The following RGS10 variants were observed in gnomAD, a reference collection of about 807,000 sequenced individuals.
RGS10 encodes the protein regulator of G-protein signalling 10.
A neutral mutation model predicts 23.5 loss-of-function variants in RGS10; 11 were observed. The observed-to-expected ratio is 0.47, with a 90% CI of 0.29 to 0.77. RGS10 has a LOEUF of 0.77. RGS10 is among the 30% of genes least tolerant of loss of function. The probability of loss-of-function intolerance (pLI) is 0.08; values close to 1 mark genes in which losing one functional copy is unlikely to be tolerated. For synonymous variants in RGS10, 77 were observed against 83.2 expected (o/e 0.92, Z 0.41); for missense variants, 180 against 226.3 (o/e 0.80, Z 1.31).
chr10:119,502,128 T>C (rs1216584372), intron 4 of RGS10, among the ~76,000 whole-genome samples: 1 of 151,374 alleles, frequency 6.6e-6, no homozygotes, highest in Admixed American at 6.6e-5. Flanking sequence ...TTGCTGAGGT[T>C]TACAGAAAAA....
chr10:119,514,519 G>A (rs974414155), intron 4 of RGS10, among the ~76,000 whole-genome samples: 3 of 151,920 alleles, frequency 2.0e-5, no homozygotes, highest in Non-Finnish European at 4.4e-5. Flanking sequence ...TTAACTGTGT[G>A]TGGTGGTGGG....
In RGS10 at chr10:119,515,534, A is replaced by G. The variant is rs996964768; in HGVS notation, c.374T>C (p.Leu125Pro). Residue 125 changes from leucine (L) to proline (P), a missense_variant, in exon 4 of 5, where the codon CTG becomes CCG. Transcript: ENST00000369103. ...CTGGTCCTGGAGTTTCTGGAACATC[A>G]GAGGGTGCGGTTCTTCCAGGATCTT... ...NEKILEEPHP[L>P]MFQKLQDQIF... The G allele has an allele frequency of 6.2e-7, 1 of 1,614,064 alleles. No homozygotes were observed. Among genetic ancestry groups the G allele is most frequent in the African/African-American group, 1.3e-5 (1 of 74,932 alleles).
In RGS10 at chr10:119,527,338, G is replaced by A. The variant is rs778941743; in HGVS notation, c.136C>T (p.Leu46=). ...AKWAASLENL[L]EDPEGVKRFR... ...CTTTTCACGCCTTCTGGGTCTTCCA[G>A]CAGATTCTCCAGGGATGCCGCCCAT... is the stretch of plus-strand genomic sequence containing the variant. Residue 46 remains leucine, a synonymous_variant, in exon 2 of 5, where the codon CTG becomes TTG. Transcript: ENST00000369103. The surrounding 1 kb of genome is among the most constrained non-coding windows in gnomAD (Gnocchi z 4.2). The A allele has an allele frequency of 1.2e-6, 2 of 1,614,098 alleles. No homozygotes were observed. The highest frequency in any genetic ancestry group is 2.2e-5 in the South Asian group (2 of 91,082).
At chr10:119,505,749 C>T (rs563763168) in intron 4 of RGS10, among the ~76,000 whole-genome samples, 1 of 152,332 alleles carries the variant, frequency 6.6e-6, no homozygotes, top group Non-Finnish European at 1.5e-5. Context: ...GAAGGCCCCT[C>T]TGTGAATATT....
At chr10:119,515,210 C>G (rs999507147) in intron 4 of RGS10, among the ~76,000 whole-genome samples, 2 of 152,098 alleles carry the variant, frequency 1.3e-5, no homozygotes, top group South Asian at 4.1e-4. Flanking sequence ...TTTCTCAGTA[C>G]AGGCTCCTCA....
At chr10:119,537,520 G>T (rs574993145) in intron 1 of RGS10, among the ~76,000 whole-genome samples, 48 of 152,176 alleles carry the variant, frequency 3.2e-4, no homozygotes, top group Non-Finnish European at 5.4e-4. Flanking sequence ...GCACAGAGAC[G>T]ATAAATAATT....
At chr10:119,528,989 G>A (rs17098973) in intron 1 of RGS10, among the ~76,000 whole-genome samples, 46,488 of 151,974 alleles carry the variant, frequency 0.31, 7,571 homozygotes, top group East Asian at 0.58. Flanking sequence ...TCTGACTCAC[G>A]ACACTGAGAA....
rs1488973873 is a variant in RGS10 at position 119,510,951 on chromosome 10, C to T, written c.399+4558G>A. 2.0e-5 allele frequency among the ~76,000 whole-genome samples: 3 copies of T among 152,148 alleles called. No homozygotes were observed. In the East Asian group the frequency reaches 5.8e-4, roughly 29 times the overall value. On this transcript the variant is annotated intron_variant, in intron 4 of 4. Coordinates refer to ENST00000369103, the MANE Select transcript of RGS10 (RefSeq NM_001005339.2). ...GCTAGGATGGTCTCGATCTCCTGAC[C>T]TTGTGATCTGCCCGCCTCGGCCTCC...
rs1478543930 is a variant in RGS10 at position 119,527,434 on chromosome 10, A to G, written c.50-10T>C. ...TCGCTGTCGTGGATGTCTGCAAAGC[A>G]AAGTTCAGACTGCATATGTGGCCAA... On this transcript the variant is annotated splice_polypyrimidine_tract_variant and intron_variant, in intron 1 of 4. Coordinates refer to ENST00000369103, the MANE Select transcript of RGS10 (RefSeq NM_001005339.2). This position sits in a 1 kb window ranked among gnomAD's most constrained non-coding sequence, Gnocchi z 4.2. The G allele has an allele frequency of 6.2e-7, 1 of 1,608,692 alleles. No homozygotes were observed. Among genetic ancestry groups the G allele is most frequent in the Non-Finnish European group, 8.5e-7 (1 of 1,175,052 alleles).
chr10:119,533,470 G>T (rs547875564), intron 1 of RGS10, among the ~76,000 whole-genome samples: 1 of 152,158 alleles, frequency 6.6e-6, no homozygotes, highest in Non-Finnish European at 1.5e-5. Context: ...AATATTAGAA[G>T]AAATAAATAC....
chr10:119,513,457 C>T (rs1017638140), intron 4 of RGS10, among the ~76,000 whole-genome samples: 1 of 150,850 alleles, frequency 6.6e-6, no homozygotes, highest in Non-Finnish European at 1.5e-5. Flanking sequence ...GACATCCTGT[C>T]GCAAAAATAA....
chr10:119,536,540 G>A (rs980232048), intron 1 of RGS10: 1 of 1,589,408 alleles, frequency 6.3e-7, no homozygotes, highest in Non-Finnish European at 8.6e-7. Flanking sequence ...CGCCTTGTGT[G>A]AGAAAGGCAG....
chr10:119,511,645 A>C (rs1316866438), intron 4 of RGS10, among the ~76,000 whole-genome samples: 1 of 152,114 alleles, frequency 6.6e-6, no homozygotes, highest in Admixed American at 6.6e-5. Context: ...TGAAGTGCTC[A>C]TTAAAATGAA....
At chr10:119,526,001 G>A in intron 3 of RGS10, 31 bp downstream of exon 3, 1 of 1,283,852 alleles carries the variant, frequency 7.8e-7, no homozygotes, top group Non-Finnish European at 1.1e-6. Flanking sequence ...AACTTTATAA[G>A]GGAAAAAAAT....
rs1844411112 is a variant in RGS10, at chr10:119,538,703, C to T, written c.49+3887G>A. Among the ~76,000 whole-genome samples the T allele has an allele frequency of 6.6e-6, 1 of 152,110 alleles. No homozygotes were observed. Among genetic ancestry groups the T allele is most frequent in the Non-Finnish European group, 1.5e-5 (1 of 68,004 alleles). On this transcript the variant is annotated intron_variant, in intron 1 of 4. Coordinates refer to ENST00000369103, the MANE Select transcript of RGS10 (RefSeq NM_001005339.2). The surrounding 1 kb of genome is among the most constrained non-coding windows in gnomAD (Gnocchi z 4.5). ...AGGGAAATTTGTCCCCACAAGTCTG[C>T]AAGGGACTGTCTCACTCCAGCGGAT...
chr10:119,542,542 C>A lies in RGS10; in HGVS notation c.49+48G>T, dbSNP rs932762329. 1.2e-5 allele frequency: 17 copies of A among 1,360,698 alleles called. No individual in the cohort carries two copies. The Admixed American group carries it at 5.6e-4, about 44-fold the overall frequency. 84.3% of individuals were successfully genotyped at this position (1,360,698 alleles called of 1,614,324 possible). A position where few individuals can be genotyped will look rare whatever the true frequency, so the allele number is the denominator to read the frequency against. ...GAGGGAGGGCAGGAGGCCGGGCGGG[C>A]GAAACGGCGCCCCGACCCCGAGCCC... On this transcript the variant is annotated intron_variant, in intron 1 of 4. Transcript: ENST00000369103.
rs1330570694 is a variant in RGS10 at position 119,524,597 on chromosome 10, G to A, written c.255+1435C>T. Among the ~76,000 whole-genome samples, 1 of 152,102 alleles carries A rather than the reference G, an allele frequency of 6.6e-6. No homozygotes were observed. Among genetic ancestry groups the A allele is most frequent in the Non-Finnish European group, 1.5e-5 (1 of 68,026 alleles). On this transcript the variant is annotated intron_variant, in intron 3 of 4. Coordinates refer to ENST00000369103, the MANE Select transcript of RGS10 (RefSeq NM_001005339.2). The surrounding 1 kb of genome is among the most constrained non-coding windows in gnomAD (Gnocchi z 5.2). ...GCTGGAGACAAAGGACAACAATGAG[G>A]CTCTTGTTCTGAAGGCCCTCAGCCT... is the stretch of plus-strand genomic sequence containing the variant.
chr10:119,502,290 A>G (rs1843961067), intron 4 of RGS10, among the ~76,000 whole-genome samples: 1 of 152,180 alleles, frequency 6.6e-6, no homozygotes, highest in African/African-American at 2.4e-5. Flanking sequence ...CAGGCACAAG[A>G]GTCCCCAAGG....
chr10:119,510,344 C>G (rs1386523797), intron 4 of RGS10, among the ~76,000 whole-genome samples: 2 of 152,186 alleles, frequency 1.3e-5, no homozygotes, highest in African/African-American at 4.8e-5. Context: ...CACCTGCTGC[C>G]CCTGCCTCGG....
Sources: gnomAD v4.1 joint callset for allele counts (sites outside exome capture counted in the v4.1 genomes callset) on GRCh38, gnomAD v4.1.1 for gene constraint, Gnocchi (gnomAD v3.1) non-coding constraint, MANE v1.5 for transcripts, NCBI Gene and HGNC (gene_info 2026-07-23, HGNC 2026-07-21) for gene names.